MED12L: variants seen among roughly 807,000 people sequenced by gnomAD.
The protein encoded by MED12L is mediator of RNA polymerase II transcription subunit 12-like protein.
A neutral mutation model predicts 281.3 loss-of-function variants in MED12L; 60 were observed. The observed-to-expected ratio is 0.21, with a 90% CI of 0.17 to 0.26. MED12L has a LOEUF of 0.26. Among genes scored for constraint, MED12L ranks in the 10% least tolerant of loss-of-function variants. The pLI is 1.00. For synonymous variants in MED12L, 974 were observed against 987.2 expected, an observed-to-expected ratio of 0.99 and a Z score of 0.25; for missense variants, 2,146 against 2,680.9, an observed-to-expected ratio of 0.80 and a Z score of 4.41.
rs1720146630 is a variant in MED12L at position 151,436,037 on chromosome 3, C to G, written c.*3233C>G. 1 of 151,984 alleles carries G rather than the reference C, an allele frequency of 6.6e-6. No homozygotes were observed. Among genetic ancestry groups the G allele is most frequent in the Non-Finnish European group, 1.5e-5 (1 of 67,996 alleles). The allele number at this position is 151,984 out of a possible 1,614,324, so 9.4% of individuals were successfully genotyped here. A position where few individuals can be genotyped will look rare whatever the true frequency, so the allele number is the denominator to read the frequency against. On this transcript the variant is annotated 3_prime_UTR_variant, in exon 45 of 45. Coordinates refer to ENST00000687756, the MANE Select transcript of MED12L (RefSeq NM_001393769.1). ...ATGGGTGTATTTGGACAAAAATAAC[C>G]CCCTTTTCACATTTTATGATGTGCA...
intron 5 of MED12L, among the ~76,000 whole-genome samples, chr3:151,146,287 A>G (rs1717748862): frequency 6.6e-6 from 1 of 152,148 alleles, no homozygotes. Context: ...CCTTCCTGCC[A>G]TCTGCATTGC....
intron 33 of MED12L, among the ~76,000 whole-genome samples, chr3:151,382,969 A>G (rs1712660238): frequency 6.6e-6 from 1 of 152,094 alleles, no homozygotes; most frequent in Non-Finnish European, 1.5e-5. Flanking sequence ...TTAAGCATAG[A>G]TTTGCCTTCT....
rs911824376 is a variant in MED12L at position 151,338,193 on chromosome 3, C to T, written c.2251-11866C>T. 26 of 1,613,860 alleles carry T rather than the reference C, an allele frequency of 1.6e-5. No homozygotes were observed. Among genetic ancestry groups the T allele is most frequent in the East Asian group, 2.2e-5 (1 of 44,896 alleles). Reference sequence around the variant, plus strand: ...TACACCCCTCGTTCTTACGTATGACCGGTACAGTTCTTTTGTAATGAGTGT... The same window carrying T: ...TACACCCCTCGTTCTTACGTATGACTGGTACAGTTCTTTTGTAATGAGTGT... On this transcript the variant is annotated intron_variant, in intron 16 of 44. Transcript: ENST00000687756.
intron 2 of MED12L, among the ~76,000 whole-genome samples, chr3:151,087,527 A>G (rs1719418956): frequency 6.6e-6 from 1 of 152,348 alleles, no homozygotes; most frequent in East Asian, 1.9e-4. Context: ...AGTGATAAAT[A>G]TTTAGCTCTC....
At chr3:151,390,877 A>AT (rs1714131048) in intron 38 of MED12L, among the ~76,000 whole-genome samples, 1 of 152,172 alleles carries the variant, frequency 6.6e-6, no homozygotes, top group African/African-American at 2.4e-5. Flanking sequence ...GGAAATCCAT[A>AT]TTTTGTCCTC....
chr3:151,163,132 C>T (rs1179700006), intron 8 of MED12L, among the ~76,000 whole-genome samples: 1 of 152,040 alleles, frequency 6.6e-6, no homozygotes, highest in Non-Finnish European at 1.5e-5. Context: ...GGCTCATAGT[C>T]CTCTTTGGTA....
chr3:151,334,956 T>C (rs1244038685), intron 16 of MED12L, among the ~76,000 whole-genome samples: 1 of 152,228 alleles, frequency 6.6e-6, no homozygotes, highest in African/African-American at 2.4e-5. Flanking sequence ...TTTATGGACA[T>C]TGAAATTCAA....
At chr3:151,125,254 G>A (rs2041186838) in intron 4 of MED12L, among the ~76,000 whole-genome samples, 1 of 152,172 alleles carries the variant, frequency 6.6e-6, no homozygotes, top group Non-Finnish European at 1.5e-5. Context: ...ATATGTGTCT[G>A]GTCGGTCTGC....
chr3:151,365,633 T>G (rs1755181566), intron 22 of MED12L, among the ~76,000 whole-genome samples: 1 of 150,186 alleles, frequency 6.7e-6, no homozygotes, highest in Non-Finnish European at 1.5e-5. Context: ...GTACTGATTA[T>G]TGTTTGTTGC....
chr3:151,205,117 A>G (rs1399902538), intron 16 of MED12L, among the ~76,000 whole-genome samples: 3 of 152,248 alleles, frequency 2.0e-5, no homozygotes, highest in Admixed American at 6.5e-5. Flanking sequence ...TTTTAATACT[A>G]GTTTCATTTG....
chr3:151,096,393 CT>C (rs1410542046), intron 2 of MED12L, among the ~76,000 whole-genome samples: 1 of 151,954 alleles, frequency 6.6e-6, no homozygotes, highest in South Asian at 2.1e-4. Flanking sequence ...CACCCACCCC[CT>C]TTTTTTTCCT....
intron 2 of MED12L, among the ~76,000 whole-genome samples, chr3:151,099,573 G>T (rs991356320): frequency 6.6e-6 from 1 of 152,056 alleles, no homozygotes; most frequent in African/African-American, 2.4e-5. Flanking sequence ...CATTCAATCT[G>T]TTTTGAGACA....
intron 16 of MED12L, chr3:151,214,393 A>G: frequency 1.6e-6 from 2 of 1,237,026 alleles, no homozygotes; most frequent in Non-Finnish European, 2.3e-6. Flanking sequence ...CCTCCAAGAC[A>G]TTTGCTGAGT....
At chr3:151,128,124 G>T (rs1714812812) in intron 5 of MED12L, 140 bp downstream of exon 5, 1 of 675,268 alleles carries the variant, frequency 1.5e-6, no homozygotes, top group African/African-American at 1.8e-5. Context: ...GTATGGATAG[G>T]GCAGCTGTTC....
chr3:151,220,807 G>A (rs573210877), intron 16 of MED12L, among the ~76,000 whole-genome samples: 5 of 152,268 alleles, frequency 3.3e-5, no homozygotes, highest in South Asian at 4.1e-4. Context: ...GTGTGAAAAC[G>A]GACTAATACA....
chr3:151,158,951 A>C lies in MED12L; in HGVS notation c.837+152A>C, dbSNP rs1719640769. The C allele has an allele frequency of 6.3e-6, 4 of 632,320 alleles. No homozygotes were observed. The South Asian group carries it at 7.8e-5, about 12-fold the overall frequency. The allele number at this position is 632,320 out of a possible 1,614,324, so 39.2% of individuals were successfully genotyped here. On this transcript the variant is annotated intron_variant, in intron 7 of 44. Transcript: ENST00000687756. ...TGATGCTATAACACATGAAGTGATAAAGGCTTCTAATAAGTTTTAGCCATC... is the reference window on the plus strand; with the variant it reads ...TGATGCTATAACACATGAAGTGATACAGGCTTCTAATAAGTTTTAGCCATC...
chr3:151,195,032 G>A (rs767739224), intron 16 of MED12L, among the ~76,000 whole-genome samples: 10 of 152,038 alleles, frequency 6.6e-5, no homozygotes, highest in African/African-American at 9.7e-5. Context: ...GCCTGGTGGC[G>A]GGCGCCTGTA....
chr3:151,144,264 G>A (rs914184889), intron 5 of MED12L, among the ~76,000 whole-genome samples: 2 of 151,760 alleles, frequency 1.3e-5, no homozygotes, highest in African/African-American at 2.4e-5. Context: ...AAGGACAACT[G>A]GGGGAAAAAA....
intron 16 of MED12L, among the ~76,000 whole-genome samples, chr3:151,271,202 G>A (rs762377678): frequency 1.3e-4 from 20 of 152,074 alleles, no homozygotes; most frequent in Non-Finnish European, 2.5e-4. Context: ...TAAAAAAAAT[G>A]CTGAAAAGAT....
Sources: allele counts gnomAD v4.1 joint callset (sites outside exome capture counted in the v4.1 genomes callset), GRCh38; gene constraint gnomAD v4.1.1; transcripts MANE v1.5; gene names NCBI Gene and HGNC (gene_info 2026-07-23, HGNC 2026-07-21).